The following IRX1 variants were observed in gnomAD, a reference collection of about 807,000 sequenced individuals.
The protein encoded by IRX1 is iroquois-class homeodomain protein IRX-1.
In IRX1, 22 loss-of-function variants were observed where a neutral mutation model predicts 34.1. That is an observed-to-expected ratio of 0.64 (90% CI 0.46 to 0.92). The LOEUF (loss-of-function observed/expected upper bound fraction) is 0.92. Ranked by LOEUF, IRX1 falls within the 40% of genes least tolerant of loss-of-function variation. The probability of loss-of-function intolerance (pLI) is 0.00; values close to 1 mark genes in which losing one functional copy is unlikely to be tolerated. For missense variants in IRX1, 758 were observed against 680.0 expected, an observed-to-expected ratio of 1.11 and a Z score of -1.28; for synonymous variants, 363 against 319.0, an observed-to-expected ratio of 1.14 and a Z score of -1.47.
At chr5:3,600,933 C>T (rs755294949) in intron 3 of IRX1, 50 bp from the exon 4 acceptor site, 6 of 1,570,034 alleles carry the variant, frequency 3.8e-6, no homozygotes, top group Middle Eastern at 1.7e-4. Context: ...GCGCTGCGTC[C>T]CCCACTCACA....
intron 1 of IRX1, among the ~76,000 whole-genome samples, chr5:3,596,942 T>C (rs1297234248): frequency 6.6e-6 from 1 of 151,998 alleles, no homozygotes; most frequent in Non-Finnish European, 1.5e-5. Flanking sequence ...ATCTTAACAA[T>C]AGAGGTCCAA....
intron 1 of IRX1, among the ~76,000 whole-genome samples, chr5:3,597,564 C>T (rs1733819039): frequency 6.6e-6 from 1 of 152,190 alleles, no homozygotes; most frequent in Admixed American, 6.5e-5. Context: ...AGATCAGCCC[C>T]CATTTTGTTC....
chr5:3,600,090 C>A lies in IRX1; in HGVS notation c.1142C>A (p.Ala381Glu), dbSNP rs530506520. Reference sequence around the variant, plus strand: ...AACTGGACCAACAGCGCATTCCTCGCACAGGGCTCCCTGCTCAACATGCGC... The same window carrying A: ...AACTGGACCAACAGCGCATTCCTCGAACAGGGCTCCCTGCTCAACATGCGC... ...FSNWTNSAFL[A>E]QGSLLNMRSF... Residue 381 changes from alanine to glutamate, a missense_variant, in exon 2 of 4, where the codon GCA (alanine) becomes GAA (glutamate). Physicochemically the swap from Ala to Glu is moderately radical, Grantham distance 107. Transcript: ENST00000302006. 6.1e-5 allele frequency: 98 copies of A among 1,613,096 alleles called. No individual in the cohort carries two copies. In the East Asian group the frequency reaches 2.1e-3, roughly 35 times the overall value.
At chr5:3,598,354 T>C (rs765887889) in intron 1 of IRX1, among the ~76,000 whole-genome samples, 3 of 152,228 alleles carry the variant, frequency 2.0e-5, no homozygotes, top group Admixed American at 6.5e-5. Context: ...CGCCTCTAAA[T>C]GCCTGCAAAC....
chr5:3,600,709 A>G, intron 3 of IRX1, 28 bp downstream of exon 3: 1 of 1,564,566 alleles, frequency 6.4e-7, no homozygotes, highest in Non-Finnish European at 8.8e-7. Context: ...TTGCTATGGG[A>G]GAAGGCGGTG....
chr5:3,599,522 A>G lies in IRX1; in HGVS notation c.574A>G (p.Thr192Ala), dbSNP rs764067065. 1 of 1,614,202 alleles carries G rather than the reference A, an allele frequency of 6.2e-7. No homozygotes were observed. The highest frequency in any genetic ancestry group is 8.5e-7 in the Non-Finnish European group (1 of 1,180,036). Residue 192 changes from threonine to alanine, a missense_variant, in exon 2 of 4, where the codon ACA (threonine) becomes GCA (alanine). Transcript: ENST00000302006. The surrounding 1 kb of genome is among the most constrained non-coding windows in gnomAD (Gnocchi z 6.6). Reference sequence around the variant, plus strand: ...GCGCCTCAAGAAGGAGAACAAGGTGACATGGGGAGCGCGCAGCAAGGACCA... The same window carrying G: ...GCGCCTCAAGAAGGAGAACAAGGTGGCATGGGGAGCGCGCAGCAAGGACCA... The part of the protein sequence containing the change: ...RRRLKKENKV[T>A]WGARSKDQED...
rs761245720 is a variant in IRX1 at position 3,600,589 on chromosome 5, C to T, written c.1313-20C>T. 3.7e-6 allele frequency: 6 copies of T among 1,607,514 alleles called. No individual in the cohort carries two copies. Among genetic ancestry groups the T allele is most frequent in the South Asian group, 1.1e-5 (1 of 90,974 alleles). Reference sequence around the variant, plus strand: ...CGCCCGTCTCTCCGTCCTAACTCTGCCTCTTCCGATCTCTCGCAGAGAGAG... The same window carrying T: ...CGCCCGTCTCTCCGTCCTAACTCTGTCTCTTCCGATCTCTCGCAGAGAGAG... On this transcript the variant is annotated intron_variant, in intron 2 of 3. Transcript: ENST00000302006.
In IRX1 at chr5:3,600,329, G is replaced by A; in HGVS notation, c.1312+69G>A. Reference sequence around the variant, plus strand: ...CAGAGGCCTGGCTAGGTGTGGTAGCGTGGGGTGCAGCATGAGCCGGGAGGG... The same window carrying A: ...CAGAGGCCTGGCTAGGTGTGGTAGCATGGGGTGCAGCATGAGCCGGGAGGG... On this transcript the variant is annotated intron_variant, in intron 2 of 3. Transcript: ENST00000302006. 8 of 1,394,090 alleles carry A rather than the reference G, an allele frequency of 5.7e-6. 1 individual carries two copies. The South Asian group carries it at 1.1e-4, about 20-fold the overall frequency. 86.4% of individuals were successfully genotyped at this position (1,394,090 alleles called of 1,614,324 possible).
chr5:3,600,155 G>A lies in IRX1; in HGVS notation c.1207G>A (p.Gly403Ser), dbSNP rs1216208676. ...TGGCGCTCCCCACGCCGCGCCCCAT[G>A]GCCCTCACCTTCCTGCACCTCCACC... is the stretch of plus-strand genomic sequence containing the variant. Reference protein sequence around the residue: ...GVGAPHAAPHGPHLPAPPPPQ... With the variant: ...GVGAPHAAPHSPHLPAPPPPQ... The change falls in exon 2 of 4, where the codon GGC becomes AGC. Residue 403 changes from glycine to serine, a missense_variant. Physicochemically the swap from Gly to Ser is moderately conservative, Grantham distance 56. Around this residue, in one of 3 missense-constraint regions of IRX1, gnomAD observed 529 missense variants for 418.8 expected, o/e 1.26. Coordinates refer to ENST00000302006, the MANE Select transcript of IRX1 (RefSeq NM_024337.4). The A allele has an allele frequency of 6.2e-7, 1 of 1,612,980 alleles. No individual in the cohort carries two copies. The highest frequency in any genetic ancestry group is 1.3e-5 in the African/African-American group (1 of 74,944).
chr5:3,601,095 G>T lies in IRX1; in HGVS notation c.*55G>T. 1 of 1,395,236 alleles carries T rather than the reference G, an allele frequency of 7.2e-7. No homozygotes were observed. The highest frequency in any genetic ancestry group is 1.2e-5 in the South Asian group (1 of 85,912). The allele number at this position is 1,395,236 out of a possible 1,614,324, so 86.4% of individuals were successfully genotyped here. ...GGAGGGGGGAGGAGTTGGGGAGGGA[G>T]GGAATGTGGGAGGAATTAAGACAAA... On this transcript the variant is annotated 3_prime_UTR_variant, in exon 4 of 4. Transcript: ENST00000302006.
At chr5:3,598,770 G>A (rs896015997) in intron 1 of IRX1, among the ~76,000 whole-genome samples, 6 of 152,136 alleles carry the variant, frequency 3.9e-5, no homozygotes, top group African/African-American at 9.7e-5. Context: ...CTTTACGTTT[G>A]GAGAAATGGC....
rs913425437 is a variant in IRX1, at chr5:3,599,822, G to A, written c.874G>A (p.Gly292Ser). ...LGLAKEAPEP[G>S]STRLLSPGAA... is the part of the protein sequence containing the mutation. Reference sequence around the variant, plus strand: ...CCTGGCAAAGGAGGCCCCAGAGCCGGGCAGCACGCGCCTGCTGAGCCCCGG... The same window carrying A: ...CCTGGCAAAGGAGGCCCCAGAGCCGAGCAGCACGCGCCTGCTGAGCCCCGG... The change falls in exon 2 of 4, where the codon GGC (glycine) becomes AGC (serine). Residue 292 changes from glycine to serine, a missense_variant. Coordinates refer to ENST00000302006, the MANE Select transcript of IRX1 (RefSeq NM_024337.4). The surrounding 1 kb of genome is among the most constrained non-coding windows in gnomAD (Gnocchi z 6.6). The A allele has an allele frequency of 2.5e-6, 4 of 1,571,228 alleles. No homozygotes were observed. The highest frequency in any genetic ancestry group is 3.7e-5 in the Admixed American group (2 of 53,572).
At chr5:3,600,564 C>G (rs959471011) in intron 2 of IRX1, 45 bp from the exon 3 acceptor site, 3 of 1,555,646 alleles carry the variant, frequency 1.9e-6, no homozygotes, top group Non-Finnish European at 2.7e-6. Flanking sequence ...GGACCTCTCC[C>G]GCCCGTCTCT....
intron 1 of IRX1, among the ~76,000 whole-genome samples, chr5:3,596,610 C>G (rs1015990499): frequency 3.3e-5 from 5 of 152,094 alleles, no homozygotes; most frequent in Non-Finnish European, 5.9e-5. Flanking sequence ...AAGCGGAAGG[C>G]CCGGGCCAGG....
chr5:3,599,590 G>T lies in IRX1; in HGVS notation c.642G>T (p.Pro214=), dbSNP rs765999859. ...ALFGSDTEGD[P]EKAEDDEEID... is the part of the protein sequence containing the mutation. ...TCGGCAGCGACACCGAGGGCGACCC[G>T]GAGAAGGCCGAGGACGACGAGGAGA... Residue 214 remains proline (P), a synonymous_variant, in exon 2 of 4, where the codon CCG becomes CCT. Coordinates refer to ENST00000302006, the MANE Select transcript of IRX1 (RefSeq NM_024337.4). The surrounding 1 kb of genome is among the most constrained non-coding windows in gnomAD (Gnocchi z 6.6). 2 of 1,614,120 alleles carry T rather than the reference G, an allele frequency of 1.2e-6. No individual in the cohort carries two copies. The highest frequency in any genetic ancestry group is 2.2e-5 in the South Asian group (2 of 91,078).
intron 3 of IRX1, 96 bp from the exon 4 acceptor site, chr5:3,600,887 C>T (rs1561025719): frequency 9.6e-6 from 13 of 1,350,900 alleles, no homozygotes; most frequent in Non-Finnish European, 1.3e-5. Context: ...GTCGACCCCG[C>T]CCCCAGGGCT....
intron 3 of IRX1, 119 bp downstream of exon 3, chr5:3,600,800 A>C (rs1478094620): frequency 8.6e-7 from 1 of 1,162,406 alleles, no homozygotes; most frequent in East Asian, 2.5e-5. Context: ...TAGTTGAAGG[A>C]GCGCTCCCCG....
Position 3,600,725 on chromosome 5 carries a change from G to T in IRX1, c.1385+44G>T, listed in dbSNP as rs762201966. On this transcript the variant is annotated intron_variant, in intron 3 of 3. Transcript: ENST00000302006. ...TGCTATGGGAGAAGGCGGTGGGGAG[G>T]GGGGAGGAGGAGTGGTCGGGACCCG... 24 of 1,556,312 alleles carry T rather than the reference G, an allele frequency of 1.5e-5. 1 individual carries two copies. In the South Asian group the frequency reaches 2.1e-4, roughly 14 times the overall value.
chr5:3,600,275 C>T lies in IRX1; in HGVS notation c.1312+15C>T. 6.4e-7 allele frequency: 1 copy of T among 1,552,128 alleles called. No homozygotes were observed. Among genetic ancestry groups the T allele is most frequent in the East Asian group, 2.3e-5 (1 of 43,770 alleles). ...CACGCTCCCAGGTACAGCTCCAGGC[C>T]GCGTCCACCTGTCCCCTAGCTGGGA... On this transcript the variant is annotated intron_variant, in intron 2 of 3. Coordinates refer to ENST00000302006, the MANE Select transcript of IRX1 (RefSeq NM_024337.4).
Sources: allele counts gnomAD v4.1 joint callset (sites outside exome capture counted in the v4.1 genomes callset), GRCh38; gene constraint gnomAD v4.1.1; regional missense constraint gnomAD v4.1.1; non-coding constraint Gnocchi (gnomAD v3.1); transcripts MANE v1.5; gene names NCBI Gene and HGNC (gene_info 2026-07-23, HGNC 2026-07-21).